KIF3B: variants seen among roughly 807,000 people sequenced by gnomAD.
The protein encoded by KIF3B is kinesin-like protein KIF3B.
In KIF3B, 38 loss-of-function variants were observed where a neutral mutation model predicts 74.3. That is an observed-to-expected ratio of 0.51 (90% CI 0.39 to 0.67). The LOEUF (loss-of-function observed/expected upper bound fraction) is 0.67. KIF3B is among the 30% of genes least tolerant of loss of function. The probability of loss-of-function intolerance (pLI) is 0.00; values close to 1 mark genes in which losing one functional copy is unlikely to be tolerated. For synonymous variants in KIF3B, 326 were observed against 342.5 expected (o/e 0.95, Z 0.53); for missense variants, 649 against 932.0 (o/e 0.70, Z 3.95).
chr20:32,326,808 A>G lies in KIF3B; in HGVS notation c.1786A>G (p.Lys596Glu), dbSNP rs1177846332. The G allele has an allele frequency of 1.3e-6, 2 of 1,581,740 alleles. No homozygotes were observed. The highest frequency in any genetic ancestry group is 3.4e-5 in the Admixed American group (2 of 58,596). The change falls in exon 6 of 9, where the codon AAA becomes GAA. Residue 596 changes from lysine (K) to glutamate (E), a missense_variant. Lys to Glu is a moderately conservative substitution (Grantham distance 56). Coordinates refer to ENST00000375712, the MANE Select transcript of KIF3B (RefSeq NM_004798.4). ...AGAAAACTTTATCCCTCTGGAAGAAAAAAGTAAAATTATGAATAGAGCCTT... is the reference window on the plus strand; with the variant it reads ...AGAAAACTTTATCCCTCTGGAAGAAGAAAGTAAAATTATGAATAGAGCCTT... Reference protein sequence around the residue: ...IIENFIPLEEKSKIMNRAFFD... With the variant: ...IIENFIPLEEESKIMNRAFFD...
In KIF3B at chr20:32,307,059, G is replaced by T. The variant is rs79057544; in HGVS notation, c.-65-2654G>T. 9.5e-3 allele frequency among the ~76,000 whole-genome samples: 1,449 copies of T among 152,096 alleles called. 9 individuals carry two copies. Among genetic ancestry groups the T allele is most frequent in the Non-Finnish European group, 0.017 (1,155 of 67,996 alleles). ...TTATGTAATGTTTGTTTTTTAAATA[G>T]AGTTTATTTTTAGAGCAGTTTCAGG... On this transcript the variant is annotated intron_variant, in intron 1 of 8. Transcript: ENST00000375712.
At position 32,315,667 on chromosome 20, in the gene KIF3B, C is replaced by T. The variant is rs1043589127; in HGVS notation, c.1405-551C>T. 5.9e-5 allele frequency among the ~76,000 whole-genome samples: 9 copies of T among 152,102 alleles called. No individual in the cohort carries two copies. The South Asian group carries it at 6.2e-4, about 11-fold the overall frequency. ...GGTCAAGGCTGCAGTGAGCTGTGATCGTGCCACCGCATTCCAGCTTGGGTG... is the reference window on the plus strand; with the variant it reads ...GGTCAAGGCTGCAGTGAGCTGTGATTGTGCCACCGCATTCCAGCTTGGGTG... On this transcript the variant is annotated intron_variant, in intron 2 of 8. Coordinates refer to ENST00000375712, the MANE Select transcript of KIF3B (RefSeq NM_004798.4).
chr20:32,300,799 C>T (rs1356699307), intron 1 of KIF3B, among the ~76,000 whole-genome samples: 1 of 152,064 alleles, frequency 6.6e-6, no homozygotes, highest in East Asian at 1.9e-4. Context: ...AAGCTTTTTA[C>T]TAGGATATAC....
chr20:32,282,750 C>A (rs1263905729), intron 1 of KIF3B, among the ~76,000 whole-genome samples: 2 of 152,156 alleles, frequency 1.3e-5, no homozygotes, highest in East Asian at 3.9e-4. Flanking sequence ...CTTGGTGTGC[C>A]AAATGGCCAC....
chr20:32,333,852 A>C lies in KIF3B; in HGVS notation c.*2533A>C, dbSNP rs1259050650. 2.0e-5 allele frequency: 3 copies of C among 152,544 alleles called. No homozygotes were observed. Among genetic ancestry groups the C allele is most frequent in the Non-Finnish European group, 4.4e-5 (3 of 68,020 alleles). 9.4% of individuals were successfully genotyped at this position (152,544 alleles called of 1,614,324 possible). A position where few individuals can be genotyped will look rare whatever the true frequency, so the allele number is the denominator to read the frequency against. ...TGGAAAGAAAAGAAGACTCATTTGG[A>C]AATGAAGCTGTCCCTTTCCAAGCAG... On this transcript the variant is annotated 3_prime_UTR_variant, in exon 9 of 9. Transcript: ENST00000375712.
intron 1 of KIF3B, among the ~76,000 whole-genome samples, chr20:32,280,541 C>A (rs2047637202): frequency 7.8e-6 from 1 of 127,782 alleles, no homozygotes; most frequent in Non-Finnish European, 1.6e-5. Context: ...AGTGAAACCC[C>A]ATCTCTACTA....
intron 1 of KIF3B, among the ~76,000 whole-genome samples, chr20:32,305,350 C>T (rs977142010): frequency 3.3e-5 from 5 of 151,694 alleles, no homozygotes; most frequent in East Asian, 1.9e-4. Flanking sequence ...GGTGACAAAG[C>T]GAGACTGTCT....
At chr20:32,327,476 C>A in intron 6 of KIF3B, 80 bp from the exon 7 acceptor site, 2 of 1,145,268 alleles carry the variant, frequency 1.7e-6, no homozygotes, top group Non-Finnish European at 2.6e-6. Flanking sequence ...GAGTTACTTG[C>A]TTCAGGTTCT....
chr20:32,319,593 T>G (rs998574121), intron 5 of KIF3B, among the ~76,000 whole-genome samples: 2 of 143,482 alleles, frequency 1.4e-5, no homozygotes, highest in South Asian at 2.2e-4. Context: ...TTTTTTTTTT[T>G]TTTTTTTTTG....
At chr20:32,322,119 A>G (rs2047862943) in intron 5 of KIF3B, among the ~76,000 whole-genome samples, 1 of 152,156 alleles carries the variant, frequency 6.6e-6, no homozygotes, top group Admixed American at 6.5e-5. Context: ...TCTTAACAGT[A>G]TTAAGTATTC....
intron 1 of KIF3B, among the ~76,000 whole-genome samples, chr20:32,280,769 C>T (rs62208763): frequency 0.019 from 2,830 of 146,806 alleles, 88 homozygotes; most frequent in Admixed American, 0.085. Flanking sequence ...GATGGTAGGA[C>T]GTTAGGTTTA....
intron 1 of KIF3B, among the ~76,000 whole-genome samples, chr20:32,282,272 G>A (rs757119353): frequency 6.6e-6 from 1 of 152,074 alleles, no homozygotes; most frequent in South Asian, 2.1e-4. Context: ...GCAGGATGGC[G>A]GGATGAGGGT....
At chr20:32,292,250 T>C (rs965466057) in intron 1 of KIF3B, among the ~76,000 whole-genome samples, 3 of 152,116 alleles carry the variant, frequency 2.0e-5, no homozygotes, top group Non-Finnish European at 4.4e-5. Context: ...CTTGTACATT[T>C]CTTAACAGTT....
At chr20:32,318,659 A>G (rs1375118225) in intron 5 of KIF3B, among the ~76,000 whole-genome samples, 2 of 152,184 alleles carry the variant, frequency 1.3e-5, no homozygotes, top group Non-Finnish European at 2.9e-5. Flanking sequence ...CCCAACATCA[A>G]TTGTTCTTTA....
chr20:32,302,844 A>C (rs1384108253), intron 1 of KIF3B, among the ~76,000 whole-genome samples: 1 of 152,208 alleles, frequency 6.6e-6, no homozygotes, highest in African/African-American at 2.4e-5. Flanking sequence ...AGACGCAGGA[A>C]ACTGGCCATT....
chr20:32,311,206 G>A (rs747293017), intron 2 of KIF3B, 25 bp downstream of exon 2: 1 of 1,558,592 alleles, frequency 6.4e-7, no homozygotes, highest in South Asian at 1.2e-5. Flanking sequence ...CCCTTCCTTA[G>A]GCCCTTGCCC....
chr20:32,297,897 C>T (rs1392401710), intron 1 of KIF3B, among the ~76,000 whole-genome samples: 1 of 151,780 alleles, frequency 6.6e-6, no homozygotes, highest in Non-Finnish European at 1.5e-5. Context: ...CACCTGAGGT[C>T]AAGAGTTTGA....
intron 1 of KIF3B, among the ~76,000 whole-genome samples, chr20:32,295,361 C>T (rs1332866460): frequency 3.3e-5 from 5 of 151,812 alleles, no homozygotes; most frequent in African/African-American, 1.2e-4. Flanking sequence ...GGTGCGATCT[C>T]AGCTCACTGC....
intron 1 of KIF3B, among the ~76,000 whole-genome samples, chr20:32,304,857 A>T (rs1242885135): frequency 4.6e-5 from 7 of 151,892 alleles, no homozygotes; most frequent in Non-Finnish European, 7.4e-5. Context: ...ATAAAAAAAA[A>T]CAGCCAGGCA....
Sources: gnomAD v4.1 joint callset for allele counts (sites outside exome capture counted in the v4.1 genomes callset) on GRCh38, gnomAD v4.1.1 for gene constraint, MANE v1.5 for transcripts, NCBI Gene and HGNC (gene_info 2026-07-23, HGNC 2026-07-21) for gene names.